ZNF704: variants seen among roughly 807,000 people sequenced by gnomAD.
ZNF704 encodes zinc finger protein 704.
ZNF704 carries 10 observed loss-of-function variants against 44.7 expected under a neutral mutation model. That is an observed-to-expected ratio of 0.22 (90% confidence interval 0.14 to 0.38). The LOEUF (loss-of-function observed/expected upper bound fraction) is 0.38, where lower values mean the gene tolerates loss of function less well. ZNF704 is among the 10% of genes least tolerant of loss of function. ZNF704 has a pLI of 1.00. For missense variants in ZNF704, 390 were observed against 545.5 expected (o/e 0.71, Z 2.84); for synonymous variants, 211 against 207.6 (o/e 1.02, Z -0.14).
chr8:80,669,162 T>C (rs1170220955), intron 5 of ZNF704, among the ~76,000 whole-genome samples: 5 of 152,168 alleles, frequency 3.3e-5, no homozygotes, highest in African/African-American at 1.2e-4. Flanking sequence ...TAGGACTCAA[T>C]TTTCTGGGCA....
At chr8:80,870,302 A>T (rs1809230119) in intron 1 of ZNF704, among the ~76,000 whole-genome samples, 1 of 152,164 alleles carries the variant, frequency 6.6e-6, no homozygotes, top group African/African-American at 2.4e-5. Flanking sequence ...CCCATCTTTT[A>T]AAAAAACCTA....
intron 2 of ZNF704, among the ~76,000 whole-genome samples, chr8:80,769,236 C>T (rs1807278466): frequency 6.6e-6 from 1 of 152,032 alleles, no homozygotes; most frequent in Non-Finnish European, 1.5e-5. Context: ...CTGCAGAGGC[C>T]CACTTACTCA....
At chr8:80,712,894 T>A (rs998605356) in intron 2 of ZNF704, among the ~76,000 whole-genome samples, 2 of 151,984 alleles carry the variant, frequency 1.3e-5, no homozygotes, top group Non-Finnish European at 2.9e-5. Context: ...TTGTTTGTTT[T>A]GGTTTGGTTT....
intron 2 of ZNF704, among the ~76,000 whole-genome samples, chr8:80,755,436 CTGAG>C (rs1262194007): frequency 1.3e-5 from 2 of 152,142 alleles, no homozygotes; most frequent in South Asian, 2.1e-4. Context: ...GCCTGGGTGA[CTGAG>C]TGAGACTCCA....
intron 1 of ZNF704, among the ~76,000 whole-genome samples, chr8:80,832,247 T>C (rs1259218582): frequency 6.6e-6 from 1 of 152,174 alleles, no homozygotes; most frequent in Non-Finnish European, 1.5e-5. Flanking sequence ...ACAGTATCTA[T>C]TTATGTCCTG....
chr8:80,765,621 G>A (rs1034172356), intron 2 of ZNF704, among the ~76,000 whole-genome samples: 3 of 152,100 alleles, frequency 2.0e-5, no homozygotes, highest in African/African-American at 4.8e-5. Flanking sequence ...TTAGATGTCA[G>A]GATTTTAACA....
intron 2 of ZNF704, among the ~76,000 whole-genome samples, chr8:80,787,720 C>T (rs1012868680): frequency 1.7e-4 from 26 of 152,132 alleles, no homozygotes; most frequent in African/African-American, 5.6e-4. Context: ...ACTCTCCCTC[C>T]TTCCTACTTC....
rs1817564842 is a variant in ZNF704, at chr8:80,630,428, G to A, written c.*10938C>T. The A allele has an allele frequency of 6.6e-6, 1 of 152,132 alleles. No homozygotes were observed. 9.4% of individuals were successfully genotyped at this position (152,132 alleles called of 1,614,324 possible). On this transcript the variant is annotated 3_prime_UTR_variant, in exon 9 of 9. Transcript: ENST00000327835. ...TTACTTGTTTAGCAGGCACTAAAAA[G>A]CAATGTTTTCTACTGATTGCATTTC... is the stretch of plus-strand genomic sequence containing the variant.
intron 2 of ZNF704, among the ~76,000 whole-genome samples, chr8:80,727,050 C>CTGAG (rs1471573511): frequency 6.6e-6 from 1 of 152,072 alleles, no homozygotes; most frequent in African/African-American, 2.4e-5. Flanking sequence ...GATGGAGAAA[C>CTGAG]TGAGGCCTGG....
intron 2 of ZNF704, among the ~76,000 whole-genome samples, chr8:80,742,739 G>A (rs765247651): frequency 1.3e-5 from 2 of 151,902 alleles, no homozygotes; most frequent in Non-Finnish European, 2.9e-5. Flanking sequence ...TGATGACATC[G>A]AAGGCACCCC....
At chr8:80,857,256 C>T (rs1379220956) in intron 1 of ZNF704, among the ~76,000 whole-genome samples, 1 of 152,112 alleles carries the variant, frequency 6.6e-6, no homozygotes, top group African/African-American at 2.4e-5. Flanking sequence ...GCTTAAACCT[C>T]CAAGATGATA....
At chr8:80,643,523 A>C (rs892680388) in intron 7 of ZNF704, among the ~76,000 whole-genome samples, 4 of 146,686 alleles carry the variant, frequency 2.7e-5, no homozygotes, top group Non-Finnish European at 6.0e-5. Flanking sequence ...TCTCAAAAAA[A>C]AAAAAAAAAA....
At chr8:80,793,297 C>T (rs748028745) in intron 2 of ZNF704, among the ~76,000 whole-genome samples, 1 of 152,104 alleles carries the variant, frequency 6.6e-6, no homozygotes, top group Non-Finnish European at 1.5e-5. Flanking sequence ...TACATGTTAT[C>T]TGGAGAACAC....
intron 7 of ZNF704, among the ~76,000 whole-genome samples, chr8:80,657,930 TAC>T (rs1350214099): frequency 6.6e-6 from 1 of 151,782 alleles, no homozygotes. Context: ...AGGGTAGAAA[TAC>T]ACAGTGTCCA....
At chr8:80,773,448 T>G (rs1807358740) in intron 2 of ZNF704, among the ~76,000 whole-genome samples, 2 of 152,204 alleles carry the variant, frequency 1.3e-5, no homozygotes, top group African/African-American at 2.4e-5. Context: ...TCTATGCACA[T>G]TTAGAATTAC....
At chr8:80,879,024 A>G (rs970795747), upstream of ZNF704, among the ~76,000 whole-genome samples, 6 of 152,178 alleles carry the variant, frequency 3.9e-5, no homozygotes, top group African/African-American at 1.4e-4. Flanking sequence ...TACTGTGGGG[A>G]TTATTAGCCA....
intron 2 of ZNF704, among the ~76,000 whole-genome samples, chr8:80,778,338 T>C (rs993673398): frequency 2.6e-5 from 4 of 152,126 alleles, no homozygotes; most frequent in African/African-American, 9.7e-5. Context: ...TGGCTATTAC[T>C]AGAAAGTCAA....
intron 1 of ZNF704, among the ~76,000 whole-genome samples, chr8:80,849,168 G>C (rs1159231999): frequency 1.3e-5 from 2 of 152,128 alleles, no homozygotes; most frequent in Non-Finnish European, 2.9e-5. Flanking sequence ...GCATAGACTT[G>C]TTTCTCACCA....
upstream of ZNF704, among the ~76,000 whole-genome samples, chr8:80,878,246 G>GAA (rs1809383543): frequency 7.4e-6 from 1 of 134,238 alleles, no homozygotes; most frequent in Non-Finnish European, 1.6e-5. Context: ...CAGAAAGAAA[G>GAA]AGAAAGAAAG....
Sources: allele counts gnomAD v4.1 joint callset (sites outside exome capture counted in the v4.1 genomes callset), GRCh38; gene constraint gnomAD v4.1.1; transcripts MANE v1.5; gene names NCBI Gene and HGNC (gene_info 2026-07-23, HGNC 2026-07-21).